STS: variants seen among roughly 807,000 people sequenced by gnomAD.
STS encodes steroid sulfatase, also known as steryl-sulfatase.
STS carries 7 observed loss-of-function variants against 26.8 expected under a neutral mutation model. The observed-to-expected ratio is 0.26, with a 90% CI of 0.15 to 0.49. The LOEUF is 0.49. Ranked by LOEUF, STS falls within the 20% of genes least tolerant of loss-of-function variation. The probability of loss-of-function intolerance (pLI) is 0.98; values close to 1 mark genes in which losing one functional copy is unlikely to be tolerated. For synonymous variants in STS, 199 were observed against 189.4 expected (o/e 1.05, Z -0.42); for missense variants, 434 against 465.6 (o/e 0.93, Z 0.63).
At chrX:7,271,719 A>ATT (rs1402753313) in intron 6 of STS, among the ~76,000 whole-genome samples, 1 of 97,386 alleles carries the variant, frequency 1.0e-5, no homozygotes, top group African/African-American at 3.7e-5. Flanking sequence ...GCCACTCAGG[A>ATT]TTTTTTTTTT....
At chrX:7,244,358 G>A (rs996781469) in intron 2 of STS, among the ~76,000 whole-genome samples, 1 of 112,040 alleles carries the variant, frequency 8.9e-6, no homozygotes, top group African/African-American at 3.2e-5. Context: ...GCGGAAGTAT[G>A]TTATACCCGA....
chrX:7,208,635 T>A (rs1295650137), intron 2 of STS, among the ~76,000 whole-genome samples: 1 of 112,028 alleles, frequency 8.9e-6, no homozygotes, highest in African/African-American at 3.2e-5. Flanking sequence ...CCTCTCTCCC[T>A]TTCTTCTTTC....
rs564351888 is a variant in STS at position 7,345,290 on chromosome X, T to C, written c.1364-4598T>C. Among the ~76,000 whole-genome samples, 40 of 111,778 alleles carry C rather than the reference T, an allele frequency of 3.6e-4. 3 individuals are homozygous for C. The South Asian group carries it at 0.015, about 41-fold the overall frequency. On this transcript the variant is annotated intron_variant, in intron 10 of 10. Coordinates refer to ENST00000674429, the MANE Select transcript of STS (RefSeq NM_001320752.2). ...CCAGACCAACTCAAAATTGCAGTTT[T>C]CCGGAGCTTATATATCTTCTAAGCT...
intron 8 of STS, among the ~76,000 whole-genome samples, chrX:7,319,842 T>G (rs779878352): frequency 9.5e-6 from 1 of 105,194 alleles, no homozygotes; most frequent in East Asian, 2.9e-4. Context: ...AAACCTGGAT[T>G]TCTATCTGTA....
chrX:7,253,026 C>T (rs913696599), intron 2 of STS, among the ~76,000 whole-genome samples, 170 bp from the exon 3 acceptor site: 1 of 111,019 alleles, frequency 9.0e-6, no homozygotes, highest in Admixed American at 9.6e-5. Flanking sequence ...TGACACATGC[C>T]TATAGTCCCA....
intron 7 of STS, among the ~76,000 whole-genome samples, chrX:7,296,802 T>A (rs980225791): frequency 9.8e-5 from 11 of 112,155 alleles, no homozygotes; most frequent in African/African-American, 3.2e-4. Context: ...CAGATGCAAG[T>A]GCAGGAGGGT....
At chrX:7,279,341 G>A (rs866923545) in intron 7 of STS, among the ~76,000 whole-genome samples, 17 of 74,569 alleles carry the variant, frequency 2.3e-4, no homozygotes, top group Admixed American at 2.8e-4. Flanking sequence ...GTGTGTGTAT[G>A]TGTGTGTGTG....
chrX:7,318,520 A>G (rs749052355), intron 8 of STS, among the ~76,000 whole-genome samples: 9 of 111,772 alleles, frequency 8.1e-5, no homozygotes, highest in Non-Finnish European at 1.7e-4. Context: ...TTTTTTTGCC[A>G]TGACTGTTGT....
At chrX:7,304,347 T>A (rs1323306629) in intron 7 of STS, among the ~76,000 whole-genome samples, 2 of 111,492 alleles carry the variant, frequency 1.8e-5, no homozygotes, top group Non-Finnish European at 3.8e-5. Flanking sequence ...ATTATTGTTA[T>A]TATTATTGTT....
At chrX:7,324,190 C>G in intron 8 of STS, among the ~76,000 whole-genome samples, 1 of 110,217 alleles carries the variant, frequency 9.1e-6, no homozygotes, top group Admixed American at 9.8e-5. Context: ...GAGGAGGCTT[C>G]AGGTCATAGG....
chrX:7,215,294 G>A (rs1421693604), intron 2 of STS, among the ~76,000 whole-genome samples: 2 of 108,344 alleles, frequency 1.8e-5, no homozygotes, highest in Non-Finnish European at 1.9e-5. Flanking sequence ...TTAGCTCTGG[G>A]TAGATACCCA....
intron 1 of STS, among the ~76,000 whole-genome samples, chrX:7,153,038 A>G (rs963860767): frequency 3.6e-5 from 4 of 111,979 alleles, no homozygotes; most frequent in African/African-American, 1.3e-4. Context: ...GAAGTGAAGC[A>G]TGTGGTCAGA....
intron 8 of STS, among the ~76,000 whole-genome samples, chrX:7,314,818 A>G (rs73469534): frequency 0.069 from 7,722 of 111,743 alleles, 265 homozygotes; most frequent in Middle Eastern, 0.11. Context: ...CGGGACAGCA[A>G]AGAGGTGGGA....
chrX:7,153,629 C>G (rs1386532428), intron 1 of STS, among the ~76,000 whole-genome samples: 1 of 93,572 alleles, frequency 1.1e-5, no homozygotes, highest in African/African-American at 4.1e-5. Flanking sequence ...CTCTCTTTTC[C>G]TGTCTTCCTT....
Position 7,264,498 on chromosome X carries a change from G to A in STS, c.806+4726G>A, listed in dbSNP as rs772781104. Among the ~76,000 whole-genome samples, 18 of 112,094 alleles carry A rather than the reference G, an allele frequency of 1.6e-4. No individual in the cohort carries two copies. The East Asian group carries it at 4.8e-3, about 30-fold the overall frequency. ...GTAGGGTGGCCTTTGCTAGCCTAGT[G>A]TATGGTGGCGTATAATGTAGGATCA... On this transcript the variant is annotated intron_variant, in intron 6 of 10. Transcript: ENST00000674429.
chrX:7,208,033 C>T (rs1920962631), intron 2 of STS, among the ~76,000 whole-genome samples: 1 of 112,259 alleles, frequency 8.9e-6, no homozygotes, highest in Non-Finnish European at 1.9e-5. Flanking sequence ...GAATCAACAA[C>T]AAAGAGACTG....
intron 2 of STS, among the ~76,000 whole-genome samples, chrX:7,205,855 A>G (rs763627459): frequency 5.5e-5 from 6 of 108,521 alleles, no homozygotes; most frequent in East Asian, 2.9e-4. Flanking sequence ...GGCTCAAGCA[A>G]TCTTCCTGCC....
At chrX:7,276,205 G>A in intron 7 of STS, 118 bp downstream of exon 7, 1 of 997,283 alleles carries the variant, frequency 1.0e-6, no homozygotes, top group South Asian at 2.0e-5. Flanking sequence ...AATGTATGGG[G>A]TTTTTTGAAA....
At chrX:7,201,211 T>G (rs1180704585) in intron 2 of STS, among the ~76,000 whole-genome samples, 1 of 111,512 alleles carries the variant, frequency 9.0e-6, no homozygotes, top group African/African-American at 3.3e-5. Flanking sequence ...GATATATAGA[T>G]ATATAGATAT....
Sources: gnomAD v4.1 joint callset for allele counts (sites outside exome capture counted in the v4.1 genomes callset) on GRCh38, gnomAD v4.1.1 for gene constraint, MANE v1.5 for transcripts, NCBI Gene and HGNC (gene_info 2026-07-23, HGNC 2026-07-21) for gene names.